Variants in ADGRV1 observed in about 807,000 individuals in gnomAD.
The protein encoded by ADGRV1 is adhesion G protein-coupled receptor V1.
In ADGRV1, 359 loss-of-function variants were observed where a neutral mutation model predicts 596.2. The observed-to-expected ratio is 0.60, with a 90% confidence interval of 0.55 to 0.66. The LOEUF is 0.66. Ranked by LOEUF, ADGRV1 falls within the 30% of genes least tolerant of loss-of-function variation. The probability of loss-of-function intolerance (pLI) is 0.00; values close to 1 mark genes in which losing one functional copy is unlikely to be tolerated. For missense variants in ADGRV1, 7,274 were observed against 7,575.6 expected (o/e 0.96, Z 1.48); for synonymous variants, 2,681 against 2,679.2 (o/e 1.00, Z -0.02).
At chr5:91,069,054 T>G (rs888667202) in intron 85 of ADGRV1, among the ~76,000 whole-genome samples, 5 of 152,160 alleles carry the variant, frequency 3.3e-5, no homozygotes, top group African/African-American at 1.2e-4. Flanking sequence ...GGACTCTCTA[T>G]TCAATAAATG....
At chr5:90,579,727 T>A (rs193004043) in intron 1 of ADGRV1, among the ~76,000 whole-genome samples, 2,876 of 152,220 alleles carry the variant, frequency 0.019, 82 homozygotes, top group African/African-American at 0.065. Flanking sequence ...CCCATTATTA[T>A]TGTGTGGGAG....
chr5:90,732,403 A>G (rs1414436093), intron 50 of ADGRV1, among the ~76,000 whole-genome samples: 1 of 152,202 alleles, frequency 6.6e-6, no homozygotes, highest in Non-Finnish European at 1.5e-5. Flanking sequence ...ATATAATGAT[A>G]TGTATTTCCT....
intron 85 of ADGRV1, among the ~76,000 whole-genome samples, chr5:91,032,260 A>T (rs368824854): frequency 6.6e-6 from 1 of 152,226 alleles, no homozygotes; most frequent in South Asian, 2.1e-4. Context: ...AGAAGAGAGA[A>T]GTCAGAATAG....
intron 21 of ADGRV1, among the ~76,000 whole-genome samples, chr5:90,661,793 G>C (rs1770336227): frequency 6.6e-6 from 1 of 152,056 alleles, no homozygotes; most frequent in African/African-American, 2.4e-5. Context: ...CTAAATGTTT[G>C]TTTGTATCAT....
At chr5:90,845,243 C>T (rs965672724) in intron 78 of ADGRV1, among the ~76,000 whole-genome samples, 2 of 152,164 alleles carry the variant, frequency 1.3e-5, no homozygotes, top group African/African-American at 4.8e-5. Context: ...TAGTCATCCT[C>T]CTTCTGCCTT....
intron 83 of ADGRV1, among the ~76,000 whole-genome samples, chr5:90,888,003 C>T (rs1176633028): frequency 2.0e-5 from 3 of 152,162 alleles, no homozygotes; most frequent in African/African-American, 7.2e-5. Context: ...CAGAGTCTAA[C>T]TCTAGGGAGA....
intron 77 of ADGRV1, among the ~76,000 whole-genome samples, chr5:90,836,428 C>T (rs1175734006): frequency 3.9e-5 from 6 of 151,936 alleles, no homozygotes; most frequent in Admixed American, 2.0e-4. Context: ...CACATAACAA[C>T]CTAATCTCCA....
At chr5:90,801,496 C>G (rs1983366) in intron 70 of ADGRV1, among the ~76,000 whole-genome samples, 37,501 of 151,104 alleles carry the variant, frequency 0.25, 10,152 homozygotes, top group African/African-American at 0.68. Context: ...AGGAGAGGTG[C>G]GATATACATG....
chr5:90,649,072 C>T (rs959022524), intron 17 of ADGRV1, among the ~76,000 whole-genome samples: 23 of 152,074 alleles, frequency 1.5e-4, no homozygotes, highest in Non-Finnish European at 1.8e-4. Flanking sequence ...GGTGCAATCT[C>T]GGCTCACTGC....
intron 59 of ADGRV1, among the ~76,000 whole-genome samples, chr5:90,768,396 A>T (rs913600229): frequency 2.6e-5 from 4 of 152,172 alleles, no homozygotes; most frequent in African/African-American, 9.7e-5. Context: ...ATCATCTCTC[A>T]GTTCTACTTA....
intron 84 of ADGRV1, among the ~76,000 whole-genome samples, chr5:90,972,559 C>T (rs537562787): frequency 9.9e-5 from 15 of 152,252 alleles, no homozygotes; most frequent in African/African-American, 2.6e-4. Flanking sequence ...CACTCAAAAG[C>T]GCTCAACTAC....
chr5:90,809,689 A>C (rs1762261592), intron 73 of ADGRV1, among the ~76,000 whole-genome samples: 1 of 152,214 alleles, frequency 6.6e-6, no homozygotes. Flanking sequence ...CTATTAACTC[A>C]CAACAAAAAT....
At chr5:91,099,751 T>A (rs923756084) in intron 86 of ADGRV1, among the ~76,000 whole-genome samples, 2 of 151,886 alleles carry the variant, frequency 1.3e-5, no homozygotes, top group East Asian at 1.9e-4. Flanking sequence ...AAGTTACAAA[T>A]ATGGAAAGGG....
In ADGRV1 at chr5:90,708,773, T is replaced by C. The variant is rs1350702255; in HGVS notation, c.8731-43T>C. 4.8e-6 allele frequency: 6 copies of C among 1,257,680 alleles called. No individual in the cohort carries two copies. In the South Asian group the frequency reaches 5.0e-5, roughly 10 times the overall value. The allele number at this position is 1,257,680 out of a possible 1,614,324, so 77.9% of individuals were successfully genotyped here. A position where few individuals can be genotyped will look rare whatever the true frequency, so the allele number is the denominator to read the frequency against. The stretch of plus-strand genomic sequence containing the variant: ...AACAGTTTCTGAGGGTTAATTACTT[T>C]GAGAGTATAACTAAAGGAATTTAAT... On this transcript the variant is annotated intron_variant, in intron 38 of 89. Transcript: ENST00000405460.
intron 10 of ADGRV1, among the ~76,000 whole-genome samples, chr5:90,637,286 T>G (rs1047536567): frequency 1.3e-5 from 2 of 152,178 alleles, no homozygotes; most frequent in Non-Finnish European, 2.9e-5. Context: ...AGGATGTATT[T>G]TATATGAGAT....
rs192241155 is a variant in ADGRV1 at position 90,616,784 on chromosome 5, G to T, written c.208-1020G>T. Among the ~76,000 whole-genome samples the T allele has an allele frequency of 3.9e-5, 6 of 152,162 alleles. No homozygotes were observed. The East Asian group carries it at 7.7e-4, about 20-fold the overall frequency. The stretch of plus-strand genomic sequence containing the variant: ...ATAATTCCTCTCTTCTAGCTATTTT[G>T]ATATATACAATAAATTAATGTTAAC... On this transcript the variant is annotated intron_variant, in intron 2 of 89. Transcript: ENST00000405460.
In ADGRV1 at chr5:90,760,606, A is replaced by G. The variant is rs533397054; in HGVS notation, c.12120+1018A>G. Among the ~76,000 whole-genome samples the G allele has an allele frequency of 5.9e-5, 9 of 152,232 alleles. No individual in the cohort carries two copies. The South Asian group carries it at 1.5e-3, about 25-fold the overall frequency. ...TGGGTTTATCTGGTGAGGGATTTAT[A>G]TTACCCACTGTTATGCTAGTCTGTT... On this transcript the variant is annotated intron_variant, in intron 58 of 89. Transcript: ENST00000405460.
At chr5:90,726,253 G>C (rs570612846) in intron 48 of ADGRV1, among the ~76,000 whole-genome samples, 223 of 152,272 alleles carry the variant, frequency 1.5e-3, no homozygotes, top group African/African-American at 5.3e-3. Context: ...TAAAAAGCCA[G>C]GCCTCTCACA....
chr5:91,123,925 AC>A (rs1335660269), intron 87 of ADGRV1, among the ~76,000 whole-genome samples: 1 of 152,166 alleles, frequency 6.6e-6, no homozygotes, highest in Non-Finnish European at 1.5e-5. Flanking sequence ...ATTCAAATAA[AC>A]ATGACTAGAT....
Sources: allele counts gnomAD v4.1 joint callset (sites outside exome capture counted in the v4.1 genomes callset), GRCh38; gene constraint gnomAD v4.1.1; transcripts MANE v1.5; gene names NCBI Gene and HGNC (gene_info 2026-07-23, HGNC 2026-07-21).